Variants in NOMO1 observed in about 807,000 individuals in gnomAD.
NOMO1 encodes the protein nodal modulator 3.
Under a neutral mutation model 133.8 loss-of-function variants are expected in NOMO1, and 40 were observed. The observed-to-expected ratio is 0.30, with a 90% CI of 0.23 to 0.39. The LOEUF (loss-of-function observed/expected upper bound fraction) is 0.39, where lower values mean the gene tolerates loss of function less well. Among genes scored for constraint, NOMO1 ranks in the 10% least tolerant of loss-of-function variants. The pLI is 1.00. For missense variants in NOMO1, 462 were observed against 1,419.9 expected (o/e 0.33, Z 10.84); for synonymous variants, 236 against 570.5 (o/e 0.41, Z 8.36).
rs2301204 is a variant in NOMO1, at chr16:14,882,731, A to C, written c.3111+54A>C. ...TGGGTGTGGGTGCCTCCCTGATCAGAAGTCCTCCCGTCTCCTCTGGCTGTC... is the reference window on the plus strand; with the variant it reads ...TGGGTGTGGGTGCCTCCCTGATCAGCAGTCCTCCCGTCTCCTCTGGCTGTC... On this transcript the variant is annotated intron_variant, in intron 26 of 30. Transcript: ENST00000287667. 1.0e-3 allele frequency: 1,655 copies of C among 1,611,482 alleles called. 52 individuals are homozygous for C. The East Asian group carries it at 0.032, about 31-fold the overall frequency.
At position 14,866,702 on chromosome 16, in the gene NOMO1, C is replaced by T. The variant is rs1464276680; in HGVS notation, c.1806+11C>T. 2.5e-6 allele frequency: 4 copies of T among 1,609,868 alleles called. No individual in the cohort carries two copies. The highest frequency in any genetic ancestry group is 1.7e-5 in the Admixed American group (1 of 59,936). ...CACGCCATCACTCTGGTATGTACGG[C>T]TTATTGAGTCTCTTATTTGGAAAAG... On this transcript the variant is annotated intron_variant, in intron 15 of 30. Transcript: ENST00000287667.
chr16:14,884,749 T>C (rs1156943014), intron 27 of NOMO1, among the ~76,000 whole-genome samples: 1 of 152,004 alleles, frequency 6.6e-6, no homozygotes, highest in African/African-American at 2.4e-5. Flanking sequence ...CAAAGAATTA[T>C]AGTAGAAGCC....
In NOMO1 at chr16:14,836,738, G is replaced by A. The variant is rs1360546614; in HGVS notation, c.166-1669G>A. Among the ~76,000 whole-genome samples, 211 of 128,918 alleles carry A rather than the reference G, an allele frequency of 1.6e-3. 2 individuals are homozygous for A. Among genetic ancestry groups the A allele is most frequent in the African/African-American group, 5.8e-3 (190 of 32,968 alleles). The allele number at this position is 128,918 out of a possible 152,430, so 84.6% of individuals were successfully genotyped here. A position where few individuals can be genotyped will look rare whatever the true frequency, so the allele number is the denominator to read the frequency against. On this transcript the variant is annotated intron_variant, in intron 1 of 30. Coordinates refer to ENST00000287667, the MANE Select transcript of NOMO1 (RefSeq NM_014287.4). ...TTTTGAGACGGAGTCTCGCTCTGTC[G>A]CCCAGGCCGGACTGCAGACTGCAGT...
At chr16:14,878,976 C>T in intron 23 of NOMO1, 142 bp downstream of exon 23, 1 of 887,754 alleles carries the variant, frequency 1.1e-6, no homozygotes, top group Non-Finnish European at 1.8e-6. Flanking sequence ...GGCCCACGGT[C>T]ATTAGAGTAT....
Position 14,879,947 on chromosome 16 carries a change from C to T in NOMO1, c.2758-68C>T, listed in dbSNP as rs1964219150. 6.2e-6 allele frequency: 10 copies of T among 1,608,070 alleles called. No individual in the cohort carries two copies. The South Asian group carries it at 6.6e-5, about 11-fold the overall frequency. On this transcript the variant is annotated intron_variant, in intron 23 of 30. Coordinates refer to ENST00000287667, the MANE Select transcript of NOMO1 (RefSeq NM_014287.4). ...CTGGTGTAATTCTGGTCCATCGTGA[C>T]ATTCGCCCCTCACTTTTAAGCCATG...
chr16:14,893,552 A>G (rs1452572240), intron 29 of NOMO1, among the ~76,000 whole-genome samples: 28 of 151,996 alleles, frequency 1.8e-4, no homozygotes, highest in Admixed American at 6.5e-4. Context: ...GAGATGTCCA[A>G]AGATACAGGA....
At chr16:14,853,030 T>C (rs1399497027) in intron 7 of NOMO1, 66 of 200,352 alleles carry the variant, frequency 3.3e-4, no homozygotes, top group African/African-American at 1.8e-3. Context: ...AAGAATATCA[T>C]GTGTCTCTGT....
intron 18 of NOMO1, among the ~76,000 whole-genome samples, chr16:14,874,405 C>G (rs539123109): frequency 6.6e-6 from 1 of 152,002 alleles, no homozygotes; most frequent in African/African-American, 2.4e-5. Flanking sequence ...CACTTGGCAT[C>G]GCTTTTCCCA....
intron 27 of NOMO1, among the ~76,000 whole-genome samples, chr16:14,885,239 G>A (rs1459303190): frequency 6.6e-6 from 1 of 151,956 alleles, no homozygotes; most frequent in African/African-American, 2.4e-5. Context: ...TATCCAAACA[G>A]TATCAGAGGT....
At chr16:14,861,639 G>C (rs1963923749) in intron 11 of NOMO1, among the ~76,000 whole-genome samples, 1 of 146,714 alleles carries the variant, frequency 6.8e-6, no homozygotes, top group Non-Finnish European at 1.5e-5. Flanking sequence ...GCATATGCTA[G>C]GTCAGGGACT....
At chr16:14,894,062 A>G (rs1476224883) in intron 29 of NOMO1, among the ~76,000 whole-genome samples, 6 of 150,740 alleles carry the variant, frequency 4.0e-5, no homozygotes, top group African/African-American at 1.5e-4. Flanking sequence ...TGCTTCCTTT[A>G]TGAGAGTAGA....
rs545541831 is a variant in NOMO1, at chr16:14,864,758, G to A, written c.1537+32G>A. The A allele has an allele frequency of 1.9e-6, 3 of 1,613,610 alleles. No homozygotes were observed. In the African/African-American group the frequency reaches 4.0e-5, roughly 22 times the overall value. On this transcript the variant is annotated intron_variant, in intron 13 of 30. Transcript: ENST00000287667. ...TATCACTGGAAAGTAAGAACACATA[G>A]TTTCAAAGAAGTCAGCCGGTAGGAG...
intron 1 of NOMO1, among the ~76,000 whole-genome samples, chr16:14,837,122 G>A (rs1963528347): frequency 6.6e-6 from 1 of 151,926 alleles, no homozygotes; most frequent in African/African-American, 2.4e-5. Flanking sequence ...GCCTCAAGCA[G>A]TCCTCCTGCC....
In NOMO1 at chr16:14,853,598, C is replaced by A; in HGVS notation, c.867C>A (p.Tyr289Ter). The A allele has an allele frequency of 6.2e-7, 1 of 1,611,384 alleles. No homozygotes were observed. The highest frequency in any genetic ancestry group is 8.5e-7 in the Non-Finnish European group (1 of 1,179,800). The change falls in exon 8 of 31, where the codon TAC (tyrosine) becomes TAA (stop). Residue 289 changes from tyrosine (Y) to a stop codon, truncating the protein, a stop_gained. Coordinates refer to ENST00000287667, the MANE Select transcript of NOMO1 (RefSeq NM_014287.4). LOFTEE classifies it high-confidence loss of function. ...FSFYSLPSGG[Y>*]TVIPFYRGER... ...TCTATTCCTTGCCAAGTGGGGGCTA[C>A]ACTGTGGTGAGTAAAGCAGATTTCC...
chr16:14,858,832 A>T (rs1259664410), intron 11 of NOMO1, among the ~76,000 whole-genome samples: 1 of 152,108 alleles, frequency 6.6e-6, no homozygotes, highest in Non-Finnish European at 1.5e-5. Context: ...ACTTGGGCAC[A>T]GGAGCTCTGA....
At chr16:14,873,893 G>A (rs1393206861) in intron 18 of NOMO1, among the ~76,000 whole-genome samples, 2 of 151,602 alleles carry the variant, frequency 1.3e-5, no homozygotes, top group East Asian at 2.0e-4. Context: ...GGCAGCTCCC[G>A]CTTTCTCCTT....
intron 17 of NOMO1, among the ~76,000 whole-genome samples, chr16:14,871,942 T>C (rs1198930996): frequency 5.3e-5 from 8 of 151,690 alleles, no homozygotes; most frequent in Admixed American, 5.3e-4. Flanking sequence ...AATAGAAGCT[T>C]TGTCAAATCT....
At chr16:14,882,554 G>A in intron 25 of NOMO1, 40 bp from the exon 26 acceptor site, 1 of 1,611,464 alleles carries the variant, frequency 6.2e-7, no homozygotes, top group Non-Finnish European at 8.5e-7. Context: ...GATACGACAA[G>A]CCCCCTTTCT....
chr16:14,852,405 A>C (rs199646482), intron 6 of NOMO1, 25 bp from the exon 7 acceptor site: 163,512 of 1,504,578 alleles, frequency 0.11, 9,529 homozygotes, highest in East Asian at 0.15. Context: ...ATTTTTTTAC[A>C]GGTTAAAATC....
Sources: allele counts gnomAD v4.1 joint callset (sites outside exome capture counted in the v4.1 genomes callset), GRCh38; gene constraint gnomAD v4.1.1; transcripts MANE v1.5; gene names NCBI Gene and HGNC (gene_info 2026-07-23, HGNC 2026-07-21).